Variants in MTX2 observed in about 807,000 individuals in gnomAD.
MTX2 encodes metaxin 2.
Under a neutral mutation model 42.3 loss-of-function variants are expected in MTX2, and 35 were observed. The observed-to-expected ratio is 0.83, with a 90% confidence interval of 0.63 to 1.10. MTX2 has a LOEUF of 1.10. Ranked by LOEUF, MTX2 falls within the 50% of genes least tolerant of loss-of-function variation. The pLI is 0.00. For synonymous variants in MTX2, 119 were observed against 100.9 expected (o/e 1.18, Z -1.08); for missense variants, 307 against 304.1 (o/e 1.01, Z -0.07).
At chr2:176,333,249 T>C (rs1684902797) in intron 9 of MTX2, among the ~76,000 whole-genome samples, 1 of 151,646 alleles carries the variant, frequency 6.6e-6, no homozygotes, top group African/African-American at 2.4e-5. Context: ...ACAAACTATT[T>C]GGTAAGCAGA....
At chr2:176,284,840 A>G (rs957822262) in intron 1 of MTX2, among the ~76,000 whole-genome samples, 3 of 152,304 alleles carry the variant, frequency 2.0e-5, no homozygotes, top group Non-Finnish European at 2.9e-5. Flanking sequence ...TGTCTCTAGG[A>G]TGGTCTTTGT....
intron 3 of MTX2, among the ~76,000 whole-genome samples, chr2:176,299,436 A>G (rs1683971215): frequency 6.6e-6 from 1 of 152,132 alleles, no homozygotes. Flanking sequence ...TTATTTGTTA[A>G]TTCTATTTTT....
chr2:176,316,153 C>A (rs1575054601), intron 3 of MTX2, among the ~76,000 whole-genome samples: 1 of 152,150 alleles, frequency 6.6e-6, no homozygotes, highest in African/African-American at 2.4e-5. Flanking sequence ...GGCAAGTTAG[C>A]TCACCAGGAA....
intron 4 of MTX2, 110 bp downstream of exon 4, chr2:176,323,574 T>C: frequency 5.2e-6 from 5 of 970,060 alleles, no homozygotes; most frequent in South Asian, 3.3e-5. Context: ...TGTTTACCCT[T>C]TGAAGAATCT....
chr2:176,317,129 A>T (rs1307050547), intron 3 of MTX2, among the ~76,000 whole-genome samples: 1 of 151,060 alleles, frequency 6.6e-6, no homozygotes, highest in African/African-American at 2.4e-5. Flanking sequence ...AATATTTTTT[A>T]CATTTTCATA....
At chr2:176,322,901 A>G (rs1684618343) in intron 3 of MTX2, among the ~76,000 whole-genome samples, 1 of 151,934 alleles carries the variant, frequency 6.6e-6, no homozygotes, top group African/African-American at 2.4e-5. Flanking sequence ...TCGTGAGCAC[A>G]GAAACTACAT....
intron 9 of MTX2, among the ~76,000 whole-genome samples, chr2:176,335,983 A>C (rs1297620559): frequency 1.3e-5 from 2 of 152,116 alleles, no homozygotes; most frequent in African/African-American, 2.4e-5. Context: ...GAGACTACTT[A>C]TCAATAGGGT....
chr2:176,306,514 A>G (rs892346878), intron 3 of MTX2, among the ~76,000 whole-genome samples: 4 of 152,178 alleles, frequency 2.6e-5, no homozygotes, highest in Non-Finnish European at 4.4e-5. Flanking sequence ...GAGCTAATTT[A>G]CACTCCCACC....
At chr2:176,314,840 T>C (rs1296791872) in intron 3 of MTX2, among the ~76,000 whole-genome samples, 1 of 152,126 alleles carries the variant, frequency 6.6e-6, no homozygotes, top group African/African-American at 2.4e-5. Context: ...TTAAATTGAC[T>C]TTTCAGTTTT....
At chr2:176,317,039 A>T (rs1473891189) in intron 3 of MTX2, among the ~76,000 whole-genome samples, 21 of 89,214 alleles carry the variant, frequency 2.4e-4, no homozygotes, top group African/African-American at 7.1e-4. Context: ...TGTCTTTTTT[A>T]AAAAAAAAAA....
At position 176,326,810 on chromosome 2, in the gene MTX2, T is replaced by G. The variant is rs775249846; in HGVS notation, c.209-15T>G. Reference sequence around the variant, plus strand: ...TGGAAGTATTTTTATAAATACTTTTTTTTTCTCTCAACAGGTAAAGTACCT... The same window carrying G: ...TGGAAGTATTTTTATAAATACTTTTGTTTTCTCTCAACAGGTAAAGTACCT... On this transcript the variant is annotated splice_polypyrimidine_tract_variant and intron_variant, in intron 4 of 9. Transcript: ENST00000249442. 2 of 1,489,528 alleles carry G rather than the reference T, an allele frequency of 1.3e-6. No individual in the cohort carries two copies. The highest frequency in any genetic ancestry group is 2.9e-5 in the African/African-American group (2 of 69,518). 92.3% of individuals were successfully genotyped at this position (1,489,528 alleles called of 1,614,324 possible).
At chr2:176,293,681 C>T (rs1693377245) in intron 1 of MTX2, among the ~76,000 whole-genome samples, 1 of 152,170 alleles carries the variant, frequency 6.6e-6, no homozygotes, top group South Asian at 2.1e-4. Flanking sequence ...TCACCAGAAG[C>T]AGATGCTGGC....
At chr2:176,330,722 T>G in intron 9 of MTX2, 62 bp downstream of exon 9, 2 of 1,131,562 alleles carry the variant, frequency 1.8e-6, no homozygotes, top group South Asian at 2.8e-5. Context: ...ATTTCTTTTT[T>G]TCATAAAAGA....
In MTX2 at chr2:176,330,368, A is replaced by G. The variant is rs531712826; in HGVS notation, c.544-216A>G. On this transcript the variant is annotated intron_variant, in intron 8 of 9. Transcript: ENST00000249442. The stretch of plus-strand genomic sequence containing the variant: ...TATACTTATATAGAAAGTATTTCTT[A>G]TAAGTATTTCTTATATAGAAAGTAT... 5.4e-5 allele frequency among the ~76,000 whole-genome samples: 8 copies of G among 149,302 alleles called. No homozygotes were observed. The South Asian group carries it at 8.4e-4, about 16-fold the overall frequency.
chr2:176,323,496 A>G (rs376709719), intron 4 of MTX2, 32 bp downstream of exon 4: 2 of 1,557,908 alleles, frequency 1.3e-6, no homozygotes, highest in African/African-American at 1.4e-5. Context: ...CTCTGTTAAT[A>G]TTATGGAGTG....
At chr2:176,331,661 A>G (rs1362746215) in intron 9 of MTX2, among the ~76,000 whole-genome samples, 1 of 151,240 alleles carries the variant, frequency 6.6e-6, no homozygotes, top group Non-Finnish European at 1.5e-5. Flanking sequence ...AAAAATCTTC[A>G]GAATTCAAAC....
chr2:176,324,304 T>C (rs1684658940), intron 4 of MTX2, among the ~76,000 whole-genome samples: 1 of 151,556 alleles, frequency 6.6e-6, no homozygotes, highest in South Asian at 2.1e-4. Context: ...CCTTAAGTTT[T>C]TAAGGGTGGT....
chr2:176,330,462 TTA>T, intron 8 of MTX2, 120 bp from the exon 9 acceptor site: 1 of 546,806 alleles, frequency 1.8e-6, no homozygotes, highest in Non-Finnish European at 3.2e-6. Flanking sequence ...TTAAAATATA[TTA>T]TAAAAGGTTA....
chr2:176,293,089 T>A (rs536785325), intron 1 of MTX2, among the ~76,000 whole-genome samples: 1 of 152,334 alleles, frequency 6.6e-6, no homozygotes, highest in African/African-American at 2.4e-5. Flanking sequence ...AAAATAAACC[T>A]AAAAGTCACA....
Sources: gnomAD v4.1 joint callset for allele counts (sites outside exome capture counted in the v4.1 genomes callset) on GRCh38, gnomAD v4.1.1 for gene constraint, MANE v1.5 for transcripts, NCBI Gene and HGNC (gene_info 2026-07-23, HGNC 2026-07-21) for gene names.